Variants in SLC39A11 observed in about 807,000 individuals in gnomAD.
The protein encoded by SLC39A11 is zinc transporter ZIP11.
A neutral mutation model predicts 36.1 loss-of-function variants in SLC39A11; 33 were observed. The observed-to-expected ratio is 0.91, with a 90% confidence interval of 0.69 to 1.22. The LOEUF is 1.22. Ranked by LOEUF, SLC39A11 falls within the 50% of genes most tolerant of loss-of-function variation. SLC39A11 has a pLI of 0.00. For synonymous variants in SLC39A11, 166 were observed against 170.3 expected, an observed-to-expected ratio of 0.97 and a Z score of 0.20; for missense variants, 432 against 430.3, an observed-to-expected ratio of 1.00 and a Z score of -0.03.
intron 7 of SLC39A11, among the ~76,000 whole-genome samples, chr17:72,673,750 G>A (rs1203685910): frequency 6.6e-6 from 1 of 152,098 alleles, no homozygotes; most frequent in Non-Finnish European, 1.5e-5. Flanking sequence ...ACTTCTGTAA[G>A]AAACAGTCGG....
chr17:72,998,727 G>C (rs1184659279), intron 4 of SLC39A11, among the ~76,000 whole-genome samples: 2 of 152,290 alleles, frequency 1.3e-5, no homozygotes, highest in African/African-American at 4.8e-5. Context: ...AGCTGCTTTG[G>C]GGTACACCTT....
intron 5 of SLC39A11, among the ~76,000 whole-genome samples, chr17:72,904,223 G>A (rs867820598): frequency 6.6e-6 from 1 of 152,146 alleles, no homozygotes; most frequent in Non-Finnish European, 1.5e-5. Context: ...ATGTGAGTTC[G>A]AGAGCCCAGG....
chr17:73,009,659 T>G (rs2090402549), intron 4 of SLC39A11, among the ~76,000 whole-genome samples: 1 of 151,990 alleles, frequency 6.6e-6, no homozygotes, highest in Non-Finnish European at 1.5e-5. Flanking sequence ...TTGCAGAAAA[T>G]TATGAAGGTA....
chr17:72,815,870 G>A (rs941061561), intron 6 of SLC39A11, among the ~76,000 whole-genome samples: 5 of 152,188 alleles, frequency 3.3e-5, no homozygotes, highest in Non-Finnish European at 5.9e-5. Flanking sequence ...GCAGTGAGCC[G>A]AGATTGGGCC....
intron 7 of SLC39A11, among the ~76,000 whole-genome samples, chr17:72,669,388 T>G (rs188041194): frequency 6.6e-5 from 10 of 152,312 alleles, no homozygotes; most frequent in Admixed American, 3.3e-4. Flanking sequence ...TCCCCTACTT[T>G]GCAATAATGT....
intron 5 of SLC39A11, among the ~76,000 whole-genome samples, chr17:72,928,690 A>G (rs1444732635): frequency 2.0e-5 from 3 of 152,172 alleles, no homozygotes; most frequent in African/African-American, 7.2e-5. Context: ...ATAGACTCTC[A>G]CAGCCTGAAC....
intron 6 of SLC39A11, among the ~76,000 whole-genome samples, chr17:72,820,984 G>C (rs898612292): frequency 6.6e-6 from 1 of 151,022 alleles, no homozygotes; most frequent in Non-Finnish European, 1.5e-5. Flanking sequence ...TTTTGTTTTT[G>C]TTTGCAGGTA....
intron 4 of SLC39A11, among the ~76,000 whole-genome samples, chr17:72,973,371 C>A (rs2087597988): frequency 6.6e-6 from 1 of 151,746 alleles, no homozygotes; most frequent in Admixed American, 6.6e-5. Flanking sequence ...ACCCCAAGGA[C>A]CACCCTGCTG....
At chr17:72,652,577 G>C (rs2069900766) in intron 7 of SLC39A11, among the ~76,000 whole-genome samples, 1 of 152,196 alleles carries the variant, frequency 6.6e-6, no homozygotes, top group African/African-American at 2.4e-5. Flanking sequence ...CACTGAGGTT[G>C]CAGCGTGAAA....
At chr17:73,000,468 G>T (rs149875500) in intron 4 of SLC39A11, among the ~76,000 whole-genome samples, 50 of 152,238 alleles carry the variant, frequency 3.3e-4, no homozygotes, top group African/African-American at 1.2e-3. Flanking sequence ...AGGCACATAG[G>T]CCTCTGGTGC....
intron 6 of SLC39A11, among the ~76,000 whole-genome samples, chr17:72,810,398 T>A (rs889628814): frequency 6.6e-6 from 1 of 152,196 alleles, no homozygotes; most frequent in African/African-American, 2.4e-5. Flanking sequence ...TACAATAGAA[T>A]ACTGCATAGT....
intron 7 of SLC39A11, among the ~76,000 whole-genome samples, chr17:72,726,007 G>A (rs1320029514): frequency 1.3e-5 from 2 of 152,194 alleles, no homozygotes; most frequent in Non-Finnish European, 2.9e-5. Flanking sequence ...GTGTCCTCAG[G>A]CTGGGTCTCC....
At chr17:72,887,147 T>A (rs1486828221) in intron 5 of SLC39A11, among the ~76,000 whole-genome samples, 1 of 152,190 alleles carries the variant, frequency 6.6e-6, no homozygotes, top group African/African-American at 2.4e-5. Flanking sequence ...TTGGGTACAC[T>A]GATGTCATCC....
Position 73,052,400 on chromosome 17 carries a change from A to C in SLC39A11, c.148-20686T>G, listed in dbSNP as rs1385866774. Among the ~76,000 whole-genome samples the C allele has an allele frequency of 4.6e-5, 7 of 152,176 alleles. 1 individual carries two copies. Among genetic ancestry groups the C allele is most frequent in the Admixed American group, 4.6e-4 (7 of 15,278 alleles). On this transcript the variant is annotated intron_variant, in intron 3 of 9. Transcript: ENST00000255559. ...GAAAACACTTTGCTCTTTTTATGGAATCAATGAAATTTTCCACCACGCAGA... is the reference window on the plus strand; with the variant it reads ...GAAAACACTTTGCTCTTTTTATGGACTCAATGAAATTTTCCACCACGCAGA...
chr17:72,740,056 C>CTTTTTTTTTTTTT lies in SLC39A11; in HGVS notation c.602-3350_602-3338dup, dbSNP rs386386565. 3.7e-4 allele frequency among the ~76,000 whole-genome samples: 30 copies of CTTTTTTTTTTTTT among 81,468 alleles called. 4 individuals are homozygous for CTTTTTTTTTTTTT. Among genetic ancestry groups the CTTTTTTTTTTTTT allele is most frequent in the East Asian group, 1.3e-3 (3 of 2,374 alleles). 53.4% of individuals were successfully genotyped at this position (81,468 alleles called of 152,430 possible). ...AGCTAGATAGAATTTCTTTCCTTTT[C>CTTTTTTTTTTTTT]TTTTTTTTTTTTTTTTTTTTTTTTG... On this transcript the variant is annotated intron_variant, in intron 6 of 9. Coordinates refer to ENST00000255559, the MANE Select transcript of SLC39A11 (RefSeq NM_139177.4).
intron 7 of SLC39A11, among the ~76,000 whole-genome samples, chr17:72,655,550 G>A (rs939603937): frequency 1.3e-5 from 2 of 152,212 alleles, no homozygotes; most frequent in Non-Finnish European, 2.9e-5. Flanking sequence ...CTAAGCAGGT[G>A]TCAGAGGAGG....
intron 6 of SLC39A11, among the ~76,000 whole-genome samples, chr17:72,754,548 G>A (rs2075296706): frequency 6.6e-6 from 1 of 152,184 alleles, no homozygotes; most frequent in African/African-American, 2.4e-5. Context: ...GGGAAAGAGT[G>A]TGGGAATCAT....
intron 4 of SLC39A11, among the ~76,000 whole-genome samples, chr17:73,019,344 T>C (rs2058268012): frequency 6.6e-6 from 1 of 152,204 alleles, no homozygotes; most frequent in Non-Finnish European, 1.5e-5. Context: ...AGACAACCGA[T>C]TGTTAAAGCA....
At chr17:72,762,929 C>T (rs1160797620) in intron 6 of SLC39A11, among the ~76,000 whole-genome samples, 1 of 152,172 alleles carries the variant, frequency 6.6e-6, no homozygotes, top group East Asian at 1.9e-4. Flanking sequence ...CCCACGTAGA[C>T]CATTTGGGAT....
Sources: gnomAD v4.1 joint callset for allele counts (sites outside exome capture counted in the v4.1 genomes callset) on GRCh38, gnomAD v4.1.1 for gene constraint, MANE v1.5 for transcripts, NCBI Gene and HGNC (gene_info 2026-07-23, HGNC 2026-07-21) for gene names.